The following LCLAT1 variants were observed in gnomAD, a reference collection of about 807,000 sequenced individuals.
LCLAT1 encodes the protein lysocardiolipin acyltransferase 1, also known as 1-AGP acyltransferase 8.
LCLAT1 carries 11 observed loss-of-function variants against 30.7 expected under a neutral mutation model. The observed-to-expected ratio is 0.36, with a 90% CI of 0.23 to 0.59. The LOEUF (loss-of-function observed/expected upper bound fraction) is 0.59. LCLAT1 is among the 20% of genes least tolerant of loss of function. The pLI is 0.77. For missense variants in LCLAT1, 402 were observed against 458.6 expected (o/e 0.88, Z 1.13); for synonymous variants, 155 against 151.3 (o/e 1.02, Z -0.18).
At chr2:30,544,462 T>G (rs554998198) in intron 3 of LCLAT1, among the ~76,000 whole-genome samples, 21 of 152,342 alleles carry the variant, frequency 1.4e-4, no homozygotes, top group African/African-American at 5.0e-4. Flanking sequence ...TCTTTCTTTC[T>G]TCAATTAGTT....
chr2:30,482,165 A>G (rs1212156603), intron 1 of LCLAT1, among the ~76,000 whole-genome samples: 1 of 152,252 alleles, frequency 6.6e-6, no homozygotes, highest in African/African-American at 2.4e-5. Context: ...TACAGTGTTC[A>G]GTAAGACAGA....
intron 1 of LCLAT1, among the ~76,000 whole-genome samples, chr2:30,522,403 A>T (rs572981181): frequency 6.6e-6 from 1 of 152,104 alleles, no homozygotes; most frequent in African/African-American, 2.4e-5. Context: ...GCTATTCCAA[A>T]TAAGTGTATA....
intron 5 of LCLAT1, among the ~76,000 whole-genome samples, chr2:30,603,519 T>C (rs2148494197): frequency 6.6e-6 from 1 of 152,152 alleles, no homozygotes; most frequent in Non-Finnish European, 1.5e-5. Context: ...ATTCTGAGCA[T>C]ACTCAAATTC....
chr2:30,584,284 G>A (rs1019217484), intron 5 of LCLAT1, among the ~76,000 whole-genome samples: 1 of 152,208 alleles, frequency 6.6e-6, no homozygotes, highest in Non-Finnish European at 1.5e-5. Flanking sequence ...CTGTTAGCCT[G>A]TTGACTACCC....
At chr2:30,475,374 C>T (rs967692292) in intron 1 of LCLAT1, among the ~76,000 whole-genome samples, 1 of 152,084 alleles carries the variant, frequency 6.6e-6, no homozygotes, top group Non-Finnish European at 1.5e-5. Flanking sequence ...TGGAGGCTGG[C>T]TGCAAGGGGC....
intron 5 of LCLAT1, among the ~76,000 whole-genome samples, chr2:30,569,748 A>C (rs992534363): frequency 6.6e-6 from 1 of 152,244 alleles, no homozygotes; most frequent in Non-Finnish European, 1.5e-5. Context: ...AATCAATTCA[A>C]AATCACATGG....
At chr2:30,498,862 C>T (rs2148338672) in intron 1 of LCLAT1, among the ~76,000 whole-genome samples, 1 of 152,286 alleles carries the variant, frequency 6.6e-6, no homozygotes, top group African/African-American at 2.4e-5. Flanking sequence ...GTAGAGTAGA[C>T]TGGAGAGACC....
rs376574766 is a variant in LCLAT1, at chr2:30,572,711, GT to G, written c.628+4545del. The stretch of plus-strand genomic sequence containing the variant: ...TGCTAAAAAAAATTATTCTTTGTAG[GT>G]TTTTTTTTTCTATTTCCAAGATTTC... On this transcript the variant is annotated intron_variant, in intron 5 of 5. Coordinates refer to ENST00000379509, the MANE Select transcript of LCLAT1 (RefSeq NM_001002257.3). Among the ~76,000 whole-genome samples, 1,388 of 148,938 alleles carry G rather than the reference GT, an allele frequency of 9.3e-3. 18 individuals are homozygous for G. Among genetic ancestry groups the G allele is most frequent in the African/African-American group, 0.031 (1,270 of 40,774 alleles).
chr2:30,565,026 G>T (rs1461789358), intron 4 of LCLAT1, among the ~76,000 whole-genome samples: 1 of 152,080 alleles, frequency 6.6e-6, no homozygotes, highest in Non-Finnish European at 1.5e-5. Context: ...AGTCATTTTG[G>T]TCACACACAG....
intron 5 of LCLAT1, among the ~76,000 whole-genome samples, chr2:30,573,216 T>C (rs796826948): frequency 1.5e-4 from 23 of 152,302 alleles, no homozygotes; most frequent in African/African-American, 4.6e-4. Flanking sequence ...GGCCTTTTGA[T>C]TCTACCCCTT....
intron 5 of LCLAT1, among the ~76,000 whole-genome samples, chr2:30,621,992 T>G (rs912165042): frequency 3.1e-4 from 47 of 152,134 alleles, no homozygotes; most frequent in African/African-American, 1.1e-3. Context: ...AAGCCCTGCT[T>G]GCTTTCTCAG....
At position 30,643,853 on chromosome 2, in the gene LCLAT1, G is replaced by A. The variant is rs1669435105; in HGVS notation, c.*3234G>A. The A allele has an allele frequency of 6.6e-6, 1 of 152,602 alleles. No homozygotes were observed. The allele number at this position is 152,602 out of a possible 1,614,324, so 9.5% of individuals were successfully genotyped here. A position where few individuals can be genotyped will look rare whatever the true frequency, so the allele number is the denominator to read the frequency against. On this transcript the variant is annotated 3_prime_UTR_variant, in exon 6 of 6. Coordinates refer to ENST00000379509, the MANE Select transcript of LCLAT1 (RefSeq NM_001002257.3). The stretch of plus-strand genomic sequence containing the variant: ...TAAAGTCTCTTTTTGCTACTGAAAG[G>A]GAAATGGTCTCTAAACACTGGTCAC...
chr2:30,534,638 ATATAGTGATC>A (rs1441456285), intron 3 of LCLAT1, among the ~76,000 whole-genome samples: 2 of 152,140 alleles, frequency 1.3e-5, no homozygotes, highest in Non-Finnish European at 2.9e-5. Flanking sequence ...CACTTTTCCA[ATATAGTGATC>A]TCAGATTTCT....
chr2:30,606,843 ACAAAGGTCTAATATT>A (rs1313747485), intron 5 of LCLAT1: 2 of 152,202 alleles, frequency 1.3e-5, no homozygotes, highest in Non-Finnish European at 2.9e-5. Context: ...TATCCATCTG[ACAAAGGTCTAATATT>A]CAGAGTCAAC....
chr2:30,578,372 A>T (rs1162537224), intron 5 of LCLAT1, among the ~76,000 whole-genome samples: 1 of 152,154 alleles, frequency 6.6e-6, no homozygotes, highest in Non-Finnish European at 1.5e-5. Flanking sequence ...AAGTCAGGTA[A>T]TAAAGTATGT....
chr2:30,475,179 T>G (rs1193245435), intron 1 of LCLAT1, among the ~76,000 whole-genome samples: 2 of 151,658 alleles, frequency 1.3e-5, no homozygotes, highest in Non-Finnish European at 2.9e-5. Flanking sequence ...TTTTTTTTTT[T>G]GTAGAGGCAG....
At chr2:30,449,283 T>A (rs1472542504) in intron 1 of LCLAT1, among the ~76,000 whole-genome samples, 1 of 152,184 alleles carries the variant, frequency 6.6e-6, no homozygotes, top group Non-Finnish European at 1.5e-5. Flanking sequence ...TATTTTTCTT[T>A]TTCAAAGGCT....
At chr2:30,602,701 A>G (rs1470263505) in intron 5 of LCLAT1, among the ~76,000 whole-genome samples, 1 of 152,008 alleles carries the variant, frequency 6.6e-6, no homozygotes, top group African/African-American at 2.4e-5. Flanking sequence ...ATCAGCTTTT[A>G]TTTTAATGGT....
chr2:30,518,360 T>G (rs1210373262), intron 1 of LCLAT1, among the ~76,000 whole-genome samples: 1 of 152,144 alleles, frequency 6.6e-6, no homozygotes, highest in African/African-American at 2.4e-5. Context: ...ATTCAGTAAT[T>G]GATAGGAAAA....
Sources: allele counts gnomAD v4.1 joint callset (sites outside exome capture counted in the v4.1 genomes callset), GRCh38; gene constraint gnomAD v4.1.1; transcripts MANE v1.5; gene names NCBI Gene and HGNC (gene_info 2026-07-23, HGNC 2026-07-21).